Variants in DCC observed in about 807,000 individuals in gnomAD.
DCC encodes the protein netrin receptor DCC.
Under a neutral mutation model 172.5 loss-of-function variants are expected in DCC, and 58 were observed. The ratio of observed to expected loss-of-function variants is 0.34; its 90% CI spans 0.27 to 0.42. DCC has a LOEUF of 0.42. DCC is among the 10% of genes least tolerant of loss of function. The probability of loss-of-function intolerance (pLI) is 1.00; values close to 1 mark genes in which losing one functional copy is unlikely to be tolerated. For missense variants in DCC, 1,740 were observed against 1,791.0 expected (o/e 0.97, Z 0.51); for synonymous variants, 709 against 644.5 (o/e 1.10, Z -1.52).
chr18:52,664,415 G>C (rs1877485142), intron 1 of DCC, among the ~76,000 whole-genome samples: 1 of 150,288 alleles, frequency 6.7e-6, no homozygotes, highest in Non-Finnish European at 1.5e-5. Context: ...ATTATGTCCA[G>C]AAATGCTCCA....
chr18:52,393,048 A>C (rs1466267956), intron 1 of DCC, among the ~76,000 whole-genome samples: 1 of 152,092 alleles, frequency 6.6e-6, no homozygotes, highest in Non-Finnish European at 1.5e-5. Context: ...TGATGAAATT[A>C]GACTTTCCCC....
intron 1 of DCC, among the ~76,000 whole-genome samples, chr18:52,533,683 T>A (rs568781052): frequency 6.6e-6 from 1 of 152,286 alleles, no homozygotes; most frequent in African/African-American, 2.4e-5. Flanking sequence ...CTATTGTGAA[T>A]AAAGCTACTG....
chr18:52,834,085 G>A (rs2038662490), intron 2 of DCC, among the ~76,000 whole-genome samples: 1 of 152,154 alleles, frequency 6.6e-6, no homozygotes, highest in Non-Finnish European at 1.5e-5. Context: ...AGCACTGTGT[G>A]GAGGAGGGCA....
chr18:53,116,324 G>GT (rs2043408547), intron 7 of DCC, among the ~76,000 whole-genome samples: 2 of 151,690 alleles, frequency 1.3e-5, no homozygotes, highest in Non-Finnish European at 3.0e-5. Context: ...CCCCCTAGAG[G>GT]ATTCCATTGT....
rs1454740280 is a variant in DCC at position 52,605,665 on chromosome 18, A to C, written c.92-146389A>C. On this transcript the variant is annotated intron_variant, in intron 1 of 28. Transcript: ENST00000442544. ...GATTTAGATACTCATTAGAAAATGT[A>C]CCCCACCTTGTCTGATTACAGTTGG... 2.6e-5 allele frequency among the ~76,000 whole-genome samples: 4 copies of C among 152,120 alleles called. No homozygotes were observed. In the East Asian group the frequency reaches 7.7e-4, roughly 29 times the overall value.
chr18:52,806,705 T>A (rs1232724336), intron 2 of DCC, among the ~76,000 whole-genome samples: 1 of 152,178 alleles, frequency 6.6e-6, no homozygotes, highest in African/African-American at 2.4e-5. Context: ...TCTGTCACTT[T>A]ATGGCTTCTT....
At position 53,047,479 on chromosome 18, in the gene DCC, AGGAATCTTT is replaced by A. The variant is rs1568268550; in HGVS notation, c.986-15825_986-15817del. Among the ~76,000 whole-genome samples the A allele has an allele frequency of 6.4e-4, 41 of 63,922 alleles. 1 individual carries two copies. The highest frequency in any genetic ancestry group is 8.9e-4 in the African/African-American group (14 of 15,646). 41.9% of individuals were successfully genotyped at this position (63,922 alleles called of 152,430 possible). A position where few individuals can be genotyped will look rare whatever the true frequency, so the allele number is the denominator to read the frequency against. ...TATATATATACCATTTTTGCTATTG[AGGAATCTTT>A]TTTTTATTAAACTGAGAAGTCATAT... On this transcript the variant is annotated intron_variant, in intron 5 of 28. Coordinates refer to ENST00000442544, the MANE Select transcript of DCC (RefSeq NM_005215.4).
intron 15 of DCC, among the ~76,000 whole-genome samples, chr18:53,381,250 A>G (rs62098051): frequency 0.46 from 69,232 of 151,676 alleles, 16,739 homozygotes; most frequent in Non-Finnish European, 0.54. Context: ...GAAATAATAT[A>G]CACCCTGAAA....
chr18:53,146,266 G>GA (rs1191793846), intron 7 of DCC, among the ~76,000 whole-genome samples: 4 of 152,034 alleles, frequency 2.6e-5, no homozygotes, highest in South Asian at 4.2e-4. Context: ...GGTGATTTAT[G>GA]AAAAAAAAGA....
intron 21 of DCC, among the ~76,000 whole-genome samples, chr18:53,423,330 T>C (rs62098268): frequency 0.43 from 65,610 of 151,990 alleles, 15,964 homozygotes; most frequent in Non-Finnish European, 0.56. Flanking sequence ...CAGCCCTAGA[T>C]TCTGCCGCTT....
intron 1 of DCC, among the ~76,000 whole-genome samples, chr18:52,414,591 T>G (rs1986953690): frequency 1.3e-5 from 2 of 152,242 alleles, no homozygotes; most frequent in South Asian, 4.1e-4. Flanking sequence ...AACAGAGATG[T>G]GCATTAACTG....
intron 11 of DCC, among the ~76,000 whole-genome samples, chr18:53,213,335 T>C (rs535372827): frequency 1.3e-5 from 2 of 152,184 alleles, no homozygotes; most frequent in Admixed American, 6.5e-5. Flanking sequence ...AAATATAAAC[T>C]AGAAATATTC....
chr18:53,369,755 C>G (rs2058041680), intron 15 of DCC, among the ~76,000 whole-genome samples: 1 of 151,680 alleles, frequency 6.6e-6, no homozygotes, highest in Non-Finnish European at 1.5e-5. Context: ...CTTTATTAGT[C>G]TGGTGGATTA....
intron 1 of DCC, among the ~76,000 whole-genome samples, chr18:52,502,990 C>G (rs1478148467): frequency 6.6e-6 from 1 of 152,130 alleles, no homozygotes; most frequent in South Asian, 2.1e-4. Flanking sequence ...AAATTTGACG[C>G]AGCAGTACAA....
intron 1 of DCC, among the ~76,000 whole-genome samples, chr18:52,558,312 T>G (rs144246627): frequency 7.0e-4 from 107 of 152,142 alleles, no homozygotes; most frequent in Admixed American, 3.3e-3. Flanking sequence ...AATATTTTGC[T>G]ATTATGAATA....
chr18:52,771,074 A>T (rs1410551214), intron 2 of DCC, among the ~76,000 whole-genome samples: 1 of 152,154 alleles, frequency 6.6e-6, no homozygotes, highest in African/African-American at 2.4e-5. Flanking sequence ...TTCAGAAAGC[A>T]GTTTTCCAAT....
At chr18:53,434,104 C>T (rs1421671609) in intron 21 of DCC, among the ~76,000 whole-genome samples, 2 of 152,014 alleles carry the variant, frequency 1.3e-5, no homozygotes, top group South Asian at 2.1e-4. Flanking sequence ...GTCACAAAAC[C>T]AGGACTTGAA....
intron 5 of DCC, among the ~76,000 whole-genome samples, chr18:52,936,639 C>T (rs921623588): frequency 6.6e-6 from 1 of 151,230 alleles, no homozygotes; most frequent in African/African-American, 2.4e-5. Flanking sequence ...TTAATTATCC[C>T]TAACAATCTA....
intron 7 of DCC, among the ~76,000 whole-genome samples, chr18:53,142,307 G>A (rs868022387): frequency 6.6e-6 from 1 of 152,202 alleles, no homozygotes; most frequent in East Asian, 1.9e-4. Flanking sequence ...GCCTGTGTTT[G>A]GAAGTCGGGT....
Sources: allele counts gnomAD v4.1 joint callset (sites outside exome capture counted in the v4.1 genomes callset), GRCh38; gene constraint gnomAD v4.1.1; transcripts MANE v1.5; gene names NCBI Gene and HGNC (gene_info 2026-07-23, HGNC 2026-07-21).